EZH2: variants seen among roughly 807,000 people sequenced by gnomAD.
The protein encoded by EZH2 is histone-lysine N-methyltransferase EZH2.
A neutral mutation model predicts 98.4 loss-of-function variants in EZH2; 18 were observed. The ratio of observed to expected loss-of-function variants is 0.18; its 90% CI spans 0.13 to 0.27. The LOEUF is 0.27. Ranked by LOEUF, EZH2 falls within the 10% of genes least tolerant of loss-of-function variation. The pLI, the probability that EZH2 is intolerant of heterozygous loss-of-function variation, is 1.00. For synonymous variants in EZH2, 338 were observed against 312.3 expected (o/e 1.08, Z -0.87); for missense variants, 470 against 935.1 (o/e 0.50, Z 6.49).
intron 3 of EZH2, among the ~76,000 whole-genome samples, chr7:148,839,630 T>C (rs183660076): frequency 2.0e-4 from 30 of 152,186 alleles, no homozygotes; most frequent in Admixed American, 1.2e-3. Flanking sequence ...CTGAAACCTC[T>C]GCCTCCTGGG....
Position 148,822,648 on chromosome 7 carries a change from A to G in EZH2, c.908-2961T>C, listed in dbSNP as rs191685074. On this transcript the variant is annotated intron_variant, in intron 8 of 19. Transcript: ENST00000320356. ...GACATCAAAAAGATCTATGAGACCA[A>G]GAATAAAAATAGGCCAGGCGCAGTG... Among the ~76,000 whole-genome samples, 374 of 152,272 alleles carry G rather than the reference A, an allele frequency of 2.5e-3. 2 individuals are homozygous for G. Among genetic ancestry groups the G allele is most frequent in the African/African-American group, 8.7e-3 (363 of 41,548 alleles).
At position 148,849,608 on chromosome 7, in the gene EZH2, G is replaced by GT. The variant is rs1815151560; in HGVS notation, c.-7-2304_-7-2303insA. On this transcript the variant is annotated intron_variant, in intron 1 of 19. Transcript: ENST00000320356. Reference sequence around the variant, plus strand: ...TAAAGCTGACAGTCACTCGGATTAAGCAGGCTAAACTCAAGATGACCCCAG... The same window carrying GT: ...TAAAGCTGACAGTCACTCGGATTAAGTCAGGCTAAACTCAAGATGACCCCAG... 3.3e-5 allele frequency among the ~76,000 whole-genome samples: 5 copies of GT among 152,310 alleles called. No individual in the cohort carries two copies. The South Asian group carries it at 8.3e-4, about 25-fold the overall frequency.
At chr7:148,861,212 A>G (rs899231309) in intron 1 of EZH2, among the ~76,000 whole-genome samples, 2 of 148,284 alleles carry the variant, frequency 1.3e-5, no homozygotes, top group Non-Finnish European at 3.0e-5. Flanking sequence ...TCCTTGTTAT[A>G]CTGTATTATT....
intron 16 of EZH2, among the ~76,000 whole-genome samples, 186 bp from the exon 17 acceptor site, chr7:148,810,600 C>CCCAACTCAGAAATATT (rs1802766776): frequency 6.6e-6 from 1 of 152,142 alleles, no homozygotes; most frequent in South Asian, 2.1e-4. Context: ...TACTAAGGAC[C>CCCAACTCAGAAATATT]CCAACTCAGA....
intron 3 of EZH2, among the ~76,000 whole-genome samples, chr7:148,833,833 C>T (rs746606753): frequency 3.9e-5 from 6 of 152,120 alleles, no homozygotes; most frequent in Admixed American, 1.3e-4. Flanking sequence ...CCCAAAGTTG[C>T]GCATGGTTCT....
intron 1 of EZH2, among the ~76,000 whole-genome samples, chr7:148,855,913 A>G (rs1816757958): frequency 6.6e-6 from 1 of 151,294 alleles, no homozygotes; most frequent in African/African-American, 2.4e-5. Context: ...AAAAAAAAAA[A>G]AAAAAAAAGT....
intron 15 of EZH2, among the ~76,000 whole-genome samples, chr7:148,812,405 G>A (rs1252262568): frequency 2.6e-5 from 4 of 152,054 alleles, no homozygotes; most frequent in Non-Finnish European, 5.9e-5. Context: ...TTTTCATCAC[G>A]GCTCAGTATT....
chr7:148,837,390 G>A (rs1398675437), intron 3 of EZH2, among the ~76,000 whole-genome samples: 1 of 152,178 alleles, frequency 6.6e-6, no homozygotes, highest in Non-Finnish European at 1.5e-5. Flanking sequence ...GAAAGGAAGA[G>A]TCAGAAGAAA....
At chr7:148,881,617 G>C (rs2129495716) in intron 1 of EZH2, among the ~76,000 whole-genome samples, 1 of 152,184 alleles carries the variant, frequency 6.6e-6, no homozygotes, top group East Asian at 1.9e-4. Flanking sequence ...ATCAAATACA[G>C]AGAACACTCA....
At chr7:148,810,245 A>AC in intron 17 of EZH2, 88 bp downstream of exon 17, 1 of 932,996 alleles carries the variant, frequency 1.1e-6, no homozygotes. Flanking sequence ...CACCTCACTG[A>AC]CCTCTACCCT....
intron 14 of EZH2, 37 bp from the exon 15 acceptor site, chr7:148,814,174 C>A (rs374000018): frequency 6.3e-7 from 1 of 1,596,696 alleles, no homozygotes; most frequent in African/African-American, 1.3e-5. Context: ...CACTCATCAC[C>A]GTATGCAAAA....
In EZH2 at chr7:148,878,097, T is replaced by C. The variant is rs573419009; in HGVS notation, c.-8+6067A>G. ...AGATATATAGATATAGAGAGAGATATATATAGATACAGATACATATCGTGT... is the reference window on the plus strand; with the variant it reads ...AGATATATAGATATAGAGAGAGATACATATAGATACAGATACATATCGTGT... On this transcript the variant is annotated intron_variant, in intron 1 of 19. Transcript: ENST00000320356. 7.9e-5 allele frequency among the ~76,000 whole-genome samples: 12 copies of C among 152,294 alleles called. No individual in the cohort carries two copies. In the South Asian group the frequency reaches 2.3e-3, roughly 29 times the overall value.
At position 148,860,870 on chromosome 7, in the gene EZH2, G is replaced by A. The variant is rs940781755; in HGVS notation, c.-7-13565C>T. Among the ~76,000 whole-genome samples, 24 of 151,928 alleles carry A rather than the reference G, an allele frequency of 1.6e-4. 1 individual carries two copies. The highest frequency in any genetic ancestry group is 6.6e-4 in the Admixed American group (10 of 15,238). On this transcript the variant is annotated intron_variant, in intron 1 of 19. Transcript: ENST00000320356. ...CTATTTTTAGCAGAGACAGGGTTTC[G>A]CCATGTTGCCCAGGCTGGTCTTGAA...
intron 8 of EZH2, among the ~76,000 whole-genome samples, chr7:148,821,752 G>A (rs922399395): frequency 4.6e-5 from 7 of 152,372 alleles, no homozygotes; most frequent in Admixed American, 2.0e-4. Flanking sequence ...CTTGAGCTCA[G>A]GAAGTCAAGG....
chr7:148,853,251 A>C (rs1816178893), intron 1 of EZH2, among the ~76,000 whole-genome samples: 2 of 152,146 alleles, frequency 1.3e-5, no homozygotes, highest in South Asian at 4.1e-4. Flanking sequence ...GTTTCTACTA[A>C]AAATACAAAA....
intron 16 of EZH2, among the ~76,000 whole-genome samples, chr7:148,811,197 A>T (rs948751620): frequency 2.0e-5 from 3 of 152,164 alleles, no homozygotes; most frequent in African/African-American, 7.2e-5. Context: ...GCCGGAGTGC[A>T]GTGGCACAAA....
At chr7:148,808,337 TGCAAC>T (rs1326515193) in intron 19 of EZH2, among the ~76,000 whole-genome samples, 1 of 152,240 alleles carries the variant, frequency 6.6e-6, no homozygotes, top group Non-Finnish European at 1.5e-5. Context: ...CTCGCTGCTG[TGCAAC>T]AGCCATTAAA....
At chr7:148,864,957 T>C (rs1324840801) in intron 1 of EZH2, among the ~76,000 whole-genome samples, 2 of 151,908 alleles carry the variant, frequency 1.3e-5, no homozygotes, top group Non-Finnish European at 2.9e-5. Flanking sequence ...TAAAACCCCA[T>C]CTCTACTAAA....
At chr7:148,859,193 T>G (rs1159716351) in intron 1 of EZH2, among the ~76,000 whole-genome samples, 2 of 152,136 alleles carry the variant, frequency 1.3e-5, no homozygotes, top group Non-Finnish European at 2.9e-5. Flanking sequence ...CAGCTTAAAA[T>G]CTAGTTGGAC....
Sources: gnomAD v4.1 joint callset for allele counts (sites outside exome capture counted in the v4.1 genomes callset) on GRCh38, gnomAD v4.1.1 for gene constraint, MANE v1.5 for transcripts, NCBI Gene and HGNC (gene_info 2026-07-23, HGNC 2026-07-21) for gene names.